Variants in KCNK13 observed in about 807,000 individuals in gnomAD.
The protein encoded by KCNK13 is potassium channel subfamily K member 13.
A neutral mutation model predicts 23.4 loss-of-function variants in KCNK13; 12 were observed. The observed-to-expected ratio is 0.51, with a 90% CI of 0.33 to 0.83. KCNK13 has a LOEUF of 0.83. Among genes scored for constraint, KCNK13 ranks in the 40% least tolerant of loss-of-function variants. The pLI is 0.02. For missense variants in KCNK13, 463 were observed against 556.3 expected, an observed-to-expected ratio of 0.83 and a Z score of 1.69; for synonymous variants, 231 against 229.5, an observed-to-expected ratio of 1.01 and a Z score of -0.06.
intron 1 of KCNK13, among the ~76,000 whole-genome samples, chr14:90,081,302 A>T (rs1889206335): frequency 6.6e-6 from 1 of 152,256 alleles, no homozygotes. Flanking sequence ...CCATTAAAAA[A>T]TTCTTAATAT....
At chr14:90,151,927 A>G (rs76491882) in intron 1 of KCNK13, among the ~76,000 whole-genome samples, 9,885 of 152,212 alleles carry the variant, frequency 0.065, 414 homozygotes, top group South Asian at 0.21. Context: ...AGATCAATTG[A>G]CTGTAAATGT....
At chr14:90,165,237 G>A (rs1890290309) in intron 1 of KCNK13, among the ~76,000 whole-genome samples, 1 of 152,148 alleles carries the variant, frequency 6.6e-6, no homozygotes, top group South Asian at 2.1e-4. Flanking sequence ...ATTTGGGCGG[G>A]GACACGGCCA....
intron 1 of KCNK13, among the ~76,000 whole-genome samples, chr14:90,168,523 C>T (rs1413577550): frequency 1.3e-5 from 2 of 152,150 alleles, no homozygotes; most frequent in East Asian, 3.8e-4. Context: ...ACACTGTCTA[C>T]CCCAGTGCCA....
At position 90,184,792 on chromosome 14, in the gene KCNK13, G is replaced by T. The variant is rs1890530162; in HGVS notation, c.1016G>T (p.Gly339Val). The T allele has an allele frequency of 6.2e-7, 1 of 1,612,624 alleles. No homozygotes were observed. The change falls in exon 2 of 2, where the codon GGG becomes GTG. Residue 339 changes from glycine to valine, a missense_variant. Around this residue, in one of 3 missense-constraint regions of KCNK13, gnomAD observed 166 missense variants for 178.8 expected, o/e 0.93. Coordinates refer to ENST00000282146, the MANE Select transcript of KCNK13 (RefSeq NM_022054.4). This position sits in a 1 kb window ranked among gnomAD's most constrained non-coding sequence, Gnocchi z 5.6. The stretch of plus-strand genomic sequence containing the variant: ...GGGGTGGCAGAGAGTGACACGGACG[G>T]GCGCCGGCTCTCAGGGGAGATGATC... Reference protein sequence around the residue: ...TDGVAESDTDGRRLSGEMISM... With the variant: ...TDGVAESDTDVRRLSGEMISM...
intron 1 of KCNK13, among the ~76,000 whole-genome samples, chr14:90,161,899 C>T (rs1890256359): frequency 1.3e-5 from 2 of 152,102 alleles, no homozygotes; most frequent in Non-Finnish European, 2.9e-5. Context: ...GAGAACAGGG[C>T]TGGACGTGGT....
At position 90,103,946 on chromosome 14, in the gene KCNK13, T is replaced by C. The variant is rs1889511889; in HGVS notation, c.334+41407T>C. 4.6e-5 allele frequency among the ~76,000 whole-genome samples: 7 copies of C among 152,180 alleles called. No homozygotes were observed. The South Asian group carries it at 1.0e-3, about 23-fold the overall frequency. On this transcript the variant is annotated intron_variant, in intron 1 of 1. Coordinates refer to ENST00000282146, the MANE Select transcript of KCNK13 (RefSeq NM_022054.4). ...GTGTATCTCCTACCTCTAAAGACTT[T>C]GCCCTTTCAGCTTCCATTCTCAGCA...
intron 1 of KCNK13, among the ~76,000 whole-genome samples, chr14:90,134,762 C>T (rs373467592): frequency 1.3e-5 from 2 of 152,108 alleles, no homozygotes; most frequent in African/African-American, 2.4e-5. Context: ...CTTTTCTGAA[C>T]GGTGAGATTA....
In KCNK13 at chr14:90,148,669, G is replaced by A. The variant is rs546437351; in HGVS notation, c.335-35442G>A. On this transcript the variant is annotated intron_variant, in intron 1 of 1. Coordinates refer to ENST00000282146, the MANE Select transcript of KCNK13 (RefSeq NM_022054.4). ...GCAGTGGGAGGGATCAGAAGGTGGC[G>A]GGGAAAGTTCAGATTCTGGCAGTCC... Among the ~76,000 whole-genome samples, 11 of 152,334 alleles carry A rather than the reference G, an allele frequency of 7.2e-5. No homozygotes were observed. In the South Asian group the frequency reaches 1.2e-3, roughly 17 times the overall value.
chr14:90,133,133 G>A lies in KCNK13; in HGVS notation c.335-50978G>A, dbSNP rs376574109. Reference sequence around the variant, plus strand: ...TCTCACATTAATGAGAACTTACTATGGGCCAGATGTTTGACAAGCTTGATC... The same window carrying A: ...TCTCACATTAATGAGAACTTACTATAGGCCAGATGTTTGACAAGCTTGATC... On this transcript the variant is annotated intron_variant, in intron 1 of 1. Coordinates refer to ENST00000282146, the MANE Select transcript of KCNK13 (RefSeq NM_022054.4). Among the ~76,000 whole-genome samples, 12 of 152,298 alleles carry A rather than the reference G, an allele frequency of 7.9e-5. No individual in the cohort carries two copies. The East Asian group carries it at 2.1e-3, about 27-fold the overall frequency.
chr14:90,100,711 G>A (rs916801830), intron 1 of KCNK13, among the ~76,000 whole-genome samples: 7 of 152,068 alleles, frequency 4.6e-5, no homozygotes, highest in Non-Finnish European at 7.4e-5. Flanking sequence ...GTTTTTCTTG[G>A]GACGGGGCCT....
At chr14:90,180,966 C>T (rs1379011895) in intron 1 of KCNK13, among the ~76,000 whole-genome samples, 1 of 152,218 alleles carries the variant, frequency 6.6e-6, no homozygotes, top group Non-Finnish European at 1.5e-5. Context: ...AAGTGATTCT[C>T]CTGCCACAGC....
chr14:90,129,069 C>A (rs1408544933), intron 1 of KCNK13, among the ~76,000 whole-genome samples: 1 of 152,104 alleles, frequency 6.6e-6, no homozygotes, highest in Non-Finnish European at 1.5e-5. Context: ...TATTGCTTCA[C>A]TTTTGACTTT....
chr14:90,152,235 C>T (rs1318536970), intron 1 of KCNK13, among the ~76,000 whole-genome samples: 1 of 152,164 alleles, frequency 6.6e-6, no homozygotes, highest in East Asian at 1.9e-4. Context: ...TGCCCGCTAC[C>T]ATGTAAGACA....
chr14:90,163,551 G>A (rs143770162), intron 1 of KCNK13, among the ~76,000 whole-genome samples: 17 of 152,246 alleles, frequency 1.1e-4, no homozygotes, highest in Admixed American at 3.3e-4. Flanking sequence ...CCACCAAGTC[G>A]GACCCCACTG....
At chr14:90,166,776 G>A (rs1416317577) in intron 1 of KCNK13, among the ~76,000 whole-genome samples, 1 of 152,076 alleles carries the variant, frequency 6.6e-6, no homozygotes, top group African/African-American at 2.4e-5. Flanking sequence ...GCCTGTGGAA[G>A]GAGAGCTGCA....
chr14:90,123,342 ACTGCCTT>A (rs1028797711), intron 1 of KCNK13, among the ~76,000 whole-genome samples: 1 of 152,130 alleles, frequency 6.6e-6, no homozygotes, highest in African/African-American at 2.4e-5. Context: ...CTTGCAGGTG[ACTGCCTT>A]CTGCCTGTGT....
chr14:90,105,223 T>C lies in KCNK13; in HGVS notation c.334+42684T>C, dbSNP rs937804538. On this transcript the variant is annotated intron_variant, in intron 1 of 1. Coordinates refer to ENST00000282146, the MANE Select transcript of KCNK13 (RefSeq NM_022054.4). ...TTCACGCTGGTCTCCTGTCTCCTGA[T>C]TGTCCAAGCTTGTTTCTGCTTTAGG... is the stretch of plus-strand genomic sequence containing the variant. Among the ~76,000 whole-genome samples, 6 of 152,174 alleles carry C rather than the reference T, an allele frequency of 3.9e-5. No homozygotes were observed. The East Asian group carries it at 1.2e-3, about 29-fold the overall frequency.
At chr14:90,109,834 G>A (rs1234453600) in intron 1 of KCNK13, among the ~76,000 whole-genome samples, 4 of 151,474 alleles carry the variant, frequency 2.6e-5, no homozygotes, top group South Asian at 2.1e-4. Context: ...TCAACCTTCC[G>A]AGCAGCTGAG....
chr14:90,155,514 A>G (rs1890183645), intron 1 of KCNK13, among the ~76,000 whole-genome samples: 1 of 152,170 alleles, frequency 6.6e-6, no homozygotes, highest in South Asian at 2.1e-4. Flanking sequence ...AGGGAAGGAT[A>G]GCTGCAGAGG....
Sources: gnomAD v4.1 joint callset for allele counts (sites outside exome capture counted in the v4.1 genomes callset) on GRCh38, gnomAD v4.1.1 for gene constraint, gnomAD v4.1.1 regional missense constraint, Gnocchi (gnomAD v3.1) non-coding constraint, MANE v1.5 for transcripts, NCBI Gene and HGNC (gene_info 2026-07-23, HGNC 2026-07-21) for gene names.